Variants in GGA3 observed in about 807,000 individuals in gnomAD.
The protein encoded by GGA3 is ADP-ribosylation factor-binding protein GGA3.
A neutral mutation model predicts 77.5 loss-of-function variants in GGA3; 57 were observed. That is an observed-to-expected ratio of 0.74 (90% CI 0.59 to 0.92). GGA3 has a LOEUF of 0.92. Ranked by LOEUF, GGA3 falls within the 40% of genes least tolerant of loss-of-function variation. GGA3 has a pLI of 0.00. For missense variants in GGA3, 970 were observed against 914.9 expected (o/e 1.06, Z -0.78); for synonymous variants, 416 against 383.7 (o/e 1.08, Z -0.98).
At chr17:75,254,801 G>A (rs996905367) in intron 1 of GGA3, among the ~76,000 whole-genome samples, 8 of 152,060 alleles carry the variant, frequency 5.3e-5, no homozygotes, top group South Asian at 2.1e-4. Flanking sequence ...CGCCTAAACC[G>A]CAGTGGCCAG....
chr17:75,238,512 C>T (rs2076400215), intron 16 of GGA3, 123 bp from the exon 17 acceptor site: 1 of 992,684 alleles, frequency 1.0e-6, no homozygotes, highest in African/African-American at 1.6e-5. Flanking sequence ...CAACCATGCT[C>T]AGACACTTAA....
chr17:75,240,690 C>A, intron 11 of GGA3, 122 bp downstream of exon 11: 1 of 1,145,726 alleles, frequency 8.7e-7, no homozygotes, highest in Non-Finnish European at 1.2e-6. Context: ...GTACCTCCAA[C>A]TCAGGGTTCT....
Position 75,246,478 on chromosome 17 carries a change from G to A in GGA3, c.201+31C>T, listed in dbSNP as rs113478599. The A allele has an allele frequency of 1.0e-4, 147 of 1,432,762 alleles. 1 individual carries two copies. In the African/African-American group the frequency reaches 1.7e-3, roughly 16 times the overall value. The allele number at this position is 1,432,762 out of a possible 1,614,324, so 88.8% of individuals were successfully genotyped here. On this transcript the variant is annotated intron_variant, in intron 3 of 16. Transcript: ENST00000537686. Reference sequence around the variant, plus strand: ...ATGGCGTGGGCAGGTGAAGGGCTGCGGTTTCCACCTCCGGAGAGTGAAGGA... The same window carrying A: ...ATGGCGTGGGCAGGTGAAGGGCTGCAGTTTCCACCTCCGGAGAGTGAAGGA...
chr17:75,251,140 T>C (rs2076952481), intron 1 of GGA3, among the ~76,000 whole-genome samples: 1 of 151,804 alleles, frequency 6.6e-6, no homozygotes, highest in South Asian at 2.1e-4. Context: ...GAACATGGGC[T>C]GGAAAGGGAA....
At chr17:75,245,884 AGAT>A (rs1387270796) in intron 3 of GGA3, among the ~76,000 whole-genome samples, 5 of 152,342 alleles carry the variant, frequency 3.3e-5, no homozygotes, top group South Asian at 2.1e-4. Flanking sequence ...CATGTGAACC[AGAT>A]GATATTTCCT....
rs568323877 is a variant in GGA3 at position 75,246,813 on chromosome 17, GAA to G, written c.41-19_41-18del. 1.1e-4 allele frequency: 182 copies of G among 1,599,168 alleles called. 2 individuals are homozygous for G. The South Asian group carries it at 1.2e-3, about 11-fold the overall frequency. On this transcript the variant is annotated intron_variant, in intron 1 of 16. Transcript: ENST00000537686. ...TGGCTTTATCTTGCAACACAACAAA[GAA>G]GAGGACAAGTGTTAGGAAGAGCAAT...
chr17:75,255,218 G>A (rs1476208411), intron 1 of GGA3, among the ~76,000 whole-genome samples: 1 of 151,984 alleles, frequency 6.6e-6, no homozygotes, highest in Non-Finnish European at 1.5e-5. Context: ...ACTGTTGTGG[G>A]TATTGACAGC....
rs2077377661 is a variant in GGA3 at position 75,261,539 on chromosome 17, G to A, written c.40+9C>T. 1.3e-6 allele frequency: 2 copies of A among 1,524,508 alleles called. No homozygotes were observed. The highest frequency in any genetic ancestry group is 1.8e-6 in the Non-Finnish European group (2 of 1,136,474). 94.4% of individuals were successfully genotyped at this position (1,524,508 alleles called of 1,614,324 possible). A position where few individuals can be genotyped will look rare whatever the true frequency, so the allele number is the denominator to read the frequency against. On this transcript the variant is annotated intron_variant, in intron 1 of 16. Transcript: ENST00000537686. Reference sequence around the variant, plus strand: ...TCGAGGGCAGGCAGAAACGGCCGCGGCTACTCACTGAGCCAGGACTCCAGG... The same window carrying A: ...TCGAGGGCAGGCAGAAACGGCCGCGACTACTCACTGAGCCAGGACTCCAGG...
intron 1 of GGA3, 137 bp from the exon 2 acceptor site, chr17:75,246,933 T>C (rs2076780633): frequency 1.6e-6 from 1 of 632,834 alleles, no homozygotes; most frequent in African/African-American, 1.8e-5. Flanking sequence ...AGTAGAACAG[T>C]CAGTAGCAAG....
chr17:75,261,400 G>A, intron 1 of GGA3, 148 bp downstream of exon 1: 1 of 521,450 alleles, frequency 1.9e-6, no homozygotes, highest in Non-Finnish European at 3.1e-6. Context: ...TAGGGAAGGG[G>A]CGTGATCGCA....
upstream of GGA3, chr17:75,262,013 G>C (rs1239343144): frequency 1.3e-6 from 2 of 1,599,876 alleles, no homozygotes; most frequent in African/African-American, 1.3e-5. Flanking sequence ...CGGCGGGGGG[G>C]CGCTGCGAGG....
In GGA3 at chr17:75,239,521, G is replaced by C. The variant is rs757560198; in HGVS notation, c.1634C>G (p.Thr545Ser). The C allele has an allele frequency of 6.4e-7, 1 of 1,569,022 alleles. No individual in the cohort carries two copies. Among genetic ancestry groups the C allele is most frequent in the Non-Finnish European group, 8.6e-7 (1 of 1,160,096 alleles). The change falls in exon 14 of 17, where the codon ACC (threonine) becomes AGC (serine). Residue 545 changes from threonine (T) to serine (S), a missense_variant. Physicochemically the swap from Thr to Ser is moderately conservative, Grantham distance 58. Transcript: ENST00000537686. Reference protein sequence around the residue: ...PTTSPLIPTTTPARPLLPFST... With the variant: ...PTTSPLIPTTSPARPLLPFST... ...GAAGGGCAGGAGGGGCCTGGCTGGG[G>C]TGGTGGTGGGGATGAGAGGGGAGGT...
rs1008477861 is a variant in GGA3 at position 75,239,252 on chromosome 17, G to A, written c.1780+123C>T. 17 of 978,536 alleles carry A rather than the reference G, an allele frequency of 1.7e-5. No individual in the cohort carries two copies. In the African/African-American group the frequency reaches 2.8e-4, roughly 16 times the overall value. 60.6% of individuals were successfully genotyped at this position (978,536 alleles called of 1,614,324 possible). On this transcript the variant is annotated intron_variant, in intron 14 of 16. Transcript: ENST00000537686. ...GCTTAAGACTGAGAATGCAGGCAGG[G>A]AGGCCTGCCTGGCTTTAAGGGACCC... is the stretch of plus-strand genomic sequence containing the variant.
intron 15 of GGA3, 49 bp downstream of exon 15, chr17:75,238,865 A>C (rs1434447938): frequency 6.2e-7 from 1 of 1,604,174 alleles, no homozygotes; most frequent in Non-Finnish European, 8.5e-7. Flanking sequence ...AGGCCTCTAC[A>C]CAACAGGGTC....
At chr17:75,259,605 C>A (rs377462779) in intron 1 of GGA3, among the ~76,000 whole-genome samples, 1 of 152,042 alleles carries the variant, frequency 6.6e-6, no homozygotes, top group Non-Finnish European at 1.5e-5. Context: ...AACACAAGTG[C>A]GCTTCTGGGA....
rs1268457337 is a variant in GGA3, at chr17:75,242,172, C to T, written c.747+164G>A. Reference sequence around the variant, plus strand: ...TGATCCCAGGAGGCAAATGGGGACGCCACCCTCTACTGACGTGGCTGCTGT... The same window carrying T: ...TGATCCCAGGAGGCAAATGGGGACGTCACCCTCTACTGACGTGGCTGCTGT... On this transcript the variant is annotated intron_variant, in intron 8 of 16. Transcript: ENST00000537686. The T allele has an allele frequency of 1.2e-5, 9 of 749,584 alleles. No homozygotes were observed. The Admixed American group carries it at 2.0e-4, about 17-fold the overall frequency. 46.4% of individuals were successfully genotyped at this position (749,584 alleles called of 1,614,324 possible).
intron 13 of GGA3, 99 bp downstream of exon 13, chr17:75,239,690 A>G: frequency 6.8e-7 from 1 of 1,463,236 alleles, no homozygotes; most frequent in Non-Finnish European, 9.6e-7. Context: ...AGCCTGACTG[A>G]TGGGACTACA....
In GGA3 at chr17:75,238,280, C is replaced by G; in HGVS notation, c.2171G>C (p.Ter724SerextTer6). The G allele has an allele frequency of 1.2e-6, 2 of 1,613,250 alleles. No homozygotes were observed. The highest frequency in any genetic ancestry group is 1.3e-5 in the African/African-American group (1 of 75,002). ...TGGAGATCACAGCGTCCTCTGGGGT[C>G]ATAGGTTCCCCCACTGTTCCACAGG... ...FPPVEQWGNL[*>S] The change falls in exon 17 of 17, where the codon TGA becomes TCA. Residue 724 changes from the stop codon to serine, a stop_lost. Coordinates refer to ENST00000537686, the MANE Select transcript of GGA3 (RefSeq NM_138619.4).
intron 1 of GGA3, among the ~76,000 whole-genome samples, chr17:75,247,279 T>G (rs1048409687): frequency 6.7e-6 from 1 of 149,658 alleles, no homozygotes; most frequent in African/African-American, 2.5e-5. Context: ...TTTTTTTTTT[T>G]GACATGGAGT....
Sources: gnomAD v4.1 joint callset for allele counts (sites outside exome capture counted in the v4.1 genomes callset) on GRCh38, gnomAD v4.1.1 for gene constraint, MANE v1.5 for transcripts, NCBI Gene and HGNC (gene_info 2026-07-23, HGNC 2026-07-21) for gene names.